The following CPQ variants were observed in gnomAD, a reference collection of about 807,000 sequenced individuals.
CPQ encodes carboxypeptidase Q.
A neutral mutation model predicts 45.7 loss-of-function variants in CPQ; 37 were observed. The ratio of observed to expected loss-of-function variants is 0.81; its 90% confidence interval spans 0.62 to 1.07. CPQ has a LOEUF of 1.07. CPQ is among the 50% of genes least tolerant of loss of function. CPQ has a pLI of 0.00. For missense variants in CPQ, 537 were observed against 572.9 expected (o/e 0.94, Z 0.64); for synonymous variants, 186 against 205.8 (o/e 0.90, Z 0.82).
chr8:97,123,005 A>AAT (rs1563587018), intron 7 of CPQ, among the ~76,000 whole-genome samples: 1,274 of 40,490 alleles, frequency 0.031, 154 homozygotes, highest in East Asian at 0.14. Flanking sequence ...AATAAAATAT[A>AAT]AAATAAAATA....
chr8:96,755,221 A>G (rs887402800), intron 1 of CPQ, among the ~76,000 whole-genome samples: 1 of 149,876 alleles, frequency 6.7e-6, no homozygotes, highest in African/African-American at 2.4e-5. Flanking sequence ...AAGGGCTTAC[A>G]GATAATAGTG....
chr8:96,848,632 A>G (rs1211461969), intron 3 of CPQ, among the ~76,000 whole-genome samples: 1 of 152,198 alleles, frequency 6.6e-6, no homozygotes, highest in Non-Finnish European at 1.5e-5. Context: ...TAGTTTGGAA[A>G]AGTTTATTTC....
At chr8:97,031,199 T>TA (rs975364132) in intron 6 of CPQ, among the ~76,000 whole-genome samples, 8 of 150,702 alleles carry the variant, frequency 5.3e-5, no homozygotes, top group African/African-American at 2.0e-4. Flanking sequence ...TTTTTTTTTT[T>TA]TTTTTGAGAT....
intron 1 of CPQ, among the ~76,000 whole-genome samples, chr8:96,763,596 G>T: frequency 6.6e-6 from 1 of 151,670 alleles, no homozygotes; most frequent in Non-Finnish European, 1.5e-5. Context: ...TCACAGACAG[G>T]GAGAATATAT....
chr8:96,687,505 G>A (rs1034113633), intron 1 of CPQ, among the ~76,000 whole-genome samples: 1 of 151,876 alleles, frequency 6.6e-6, no homozygotes, highest in African/African-American at 2.4e-5. Flanking sequence ...CACTGCACCT[G>A]GCCACATGCC....
intron 2 of CPQ, among the ~76,000 whole-genome samples, chr8:96,787,525 CTTTTTTTT>C (rs71267281): frequency 3.8e-4 from 18 of 47,586 alleles, no homozygotes; most frequent in East Asian, 2.2e-3. Context: ...CTTATAATGT[CTTTTTTTT>C]TTTTTTTTTT....
chr8:97,140,539 C>T (rs1302835079), intron 7 of CPQ, among the ~76,000 whole-genome samples: 1 of 151,852 alleles, frequency 6.6e-6, no homozygotes, highest in Non-Finnish European at 1.5e-5. Context: ...TGTTATAAAA[C>T]TTTAAAGACA....
At chr8:96,934,862 G>A (rs899297331) in intron 4 of CPQ, among the ~76,000 whole-genome samples, 2 of 152,070 alleles carry the variant, frequency 1.3e-5, no homozygotes, top group South Asian at 2.1e-4. Context: ...AAGCACTTAC[G>A]GGCAGAAAAG....
At chr8:97,137,422 C>T (rs1586558875) in intron 7 of CPQ, among the ~76,000 whole-genome samples, 1 of 152,320 alleles carries the variant, frequency 6.6e-6, no homozygotes, top group Non-Finnish European at 1.5e-5. Flanking sequence ...CCTCCATTCA[C>T]CCTCAGTGAC....
At chr8:96,674,782 CA>C (rs369226759) in intron 1 of CPQ, among the ~76,000 whole-genome samples, 219 of 152,180 alleles carry the variant, frequency 1.4e-3, no homozygotes, top group African/African-American at 4.8e-3. Context: ...CTTTGAAAAA[CA>C]GTTTATCTTT....
At chr8:96,826,949 G>T (rs1811387556) in intron 2 of CPQ, among the ~76,000 whole-genome samples, 1 of 152,050 alleles carries the variant, frequency 6.6e-6, no homozygotes, top group Non-Finnish European at 1.5e-5. Context: ...ACCCTGCAAA[G>T]GACATGATCT....
intron 4 of CPQ, among the ~76,000 whole-genome samples, chr8:96,930,419 G>A (rs1211143775): frequency 6.6e-6 from 1 of 152,216 alleles, no homozygotes; most frequent in Non-Finnish European, 1.5e-5. Flanking sequence ...CCACAGAATT[G>A]CTGTCTCAGA....
chr8:96,650,396 G>A (rs1586344760), intron 1 of CPQ, among the ~76,000 whole-genome samples: 1 of 152,316 alleles, frequency 6.6e-6, no homozygotes, highest in East Asian at 1.9e-4. Context: ...GATTCGCATA[G>A]CGCCTTATAT....
intron 5 of CPQ, among the ~76,000 whole-genome samples, chr8:96,983,960 C>G (rs758895468): frequency 6.6e-6 from 1 of 151,512 alleles, no homozygotes; most frequent in Non-Finnish European, 1.5e-5. Context: ...ATTGTGATTA[C>G]TTACATTTTG....
intron 1 of CPQ, among the ~76,000 whole-genome samples, chr8:96,691,440 T>A (rs1305068505): frequency 6.6e-6 from 1 of 152,172 alleles, no homozygotes; most frequent in Non-Finnish European, 1.5e-5. Flanking sequence ...TACTAGGGGT[T>A]AGGACATGGA....
At chr8:97,120,428 A>T (rs2513416) in intron 7 of CPQ, among the ~76,000 whole-genome samples, 1 of 150,136 alleles carries the variant, frequency 6.7e-6, no homozygotes, top group Non-Finnish European at 1.5e-5. Context: ...CCCTCTATAC[A>T]CAACTCCAGA....
At chr8:97,123,005 A>AAATAAAATAAAAT (rs1811756835) in intron 7 of CPQ, among the ~76,000 whole-genome samples, 1 of 40,746 alleles carries the variant, frequency 2.5e-5, no homozygotes, top group African/African-American at 1.4e-4. Context: ...AATAAAATAT[A>AAATAAAATAAAAT]AAATAAAATA....
chr8:97,118,346 C>A (rs1274688958), intron 7 of CPQ, among the ~76,000 whole-genome samples: 3 of 152,012 alleles, frequency 2.0e-5, no homozygotes, highest in Admixed American at 6.5e-5. Context: ...GTCACTGACC[C>A]CAGAGAAATC....
At chr8:96,913,023 C>A (rs1240914626) in intron 4 of CPQ, among the ~76,000 whole-genome samples, 1 of 152,200 alleles carries the variant, frequency 6.6e-6, no homozygotes, top group Non-Finnish European at 1.5e-5. Context: ...CCTCCCACCT[C>A]ACACATGCAC....
Sources: allele counts gnomAD v4.1 joint callset (sites outside exome capture counted in the v4.1 genomes callset), GRCh38; gene constraint gnomAD v4.1.1; transcripts MANE v1.5; gene names NCBI Gene and HGNC (gene_info 2026-07-23, HGNC 2026-07-21).